UNC79: variants seen among roughly 807,000 people sequenced by gnomAD.
UNC79 encodes unc-79 subunit of NALCN channel complex.
A neutral mutation model predicts 283.1 loss-of-function variants in UNC79; 37 were observed. The ratio of observed to expected loss-of-function variants is 0.13; its 90% confidence interval spans 0.10 to 0.17. UNC79 has a LOEUF of 0.17. UNC79 is among the 10% of genes least tolerant of loss of function. The probability of loss-of-function intolerance (pLI) is 1.00; values close to 1 mark genes in which losing one functional copy is unlikely to be tolerated. For missense variants in UNC79, 2,272 were observed against 3,211.1 expected, an observed-to-expected ratio of 0.71 and a Z score of 7.07; for synonymous variants, 1,107 against 1,200.2, an observed-to-expected ratio of 0.92 and a Z score of 1.61.
intron 1 of UNC79, chr14:93,464,533 T>C (rs1395128280): frequency 2.2e-6 from 1 of 456,288 alleles, no homozygotes; most frequent in Non-Finnish European, 4.4e-6. Context: ...CAGTCACATT[T>C]TGAGGTTAAG....
At chr14:93,582,043 A>C (rs1180892710) in intron 19 of UNC79, among the ~76,000 whole-genome samples, 160 bp from the exon 20 acceptor site, 1 of 152,230 alleles carries the variant, frequency 6.6e-6, no homozygotes, top group Admixed American at 6.5e-5. Context: ...TCCAGCAATA[A>C]GCTCCAGGGT....
At chr14:93,466,300 AC>A (rs993490549) in intron 1 of UNC79, among the ~76,000 whole-genome samples, 100 of 152,376 alleles carry the variant, frequency 6.6e-4, no homozygotes, top group African/African-American at 2.4e-3. Flanking sequence ...TCAGTGATTA[AC>A]CTGGTAACTT....
At chr14:93,517,584 A>T (rs2060128224) in intron 7 of UNC79, among the ~76,000 whole-genome samples, 1 of 151,380 alleles carries the variant, frequency 6.6e-6, no homozygotes, top group African/African-American at 2.4e-5. Context: ...TATTGAGATG[A>T]TTATATGATT....
chr14:93,679,152 C>T (rs1419288683), intron 41 of UNC79, among the ~76,000 whole-genome samples: 1 of 152,150 alleles, frequency 6.6e-6, no homozygotes, highest in Non-Finnish European at 1.5e-5. Flanking sequence ...TTCCTTAGCT[C>T]CTATTATGTG....
At chr14:93,641,491 A>G (rs997109292) in intron 33 of UNC79, among the ~76,000 whole-genome samples, 2 of 152,058 alleles carry the variant, frequency 1.3e-5, no homozygotes, top group Non-Finnish European at 2.9e-5. Context: ...TGTTTCTACT[A>G]AAATTACTAA....
At chr14:93,371,493 A>G (rs2054445210) in intron 1 of UNC79, among the ~76,000 whole-genome samples, 1 of 152,172 alleles carries the variant, frequency 6.6e-6, no homozygotes, top group African/African-American at 2.4e-5. Context: ...CGCAGAAAAA[A>G]ATTCCTGAAG....
intron 1 of UNC79, among the ~76,000 whole-genome samples, chr14:93,364,350 T>C (rs896510039): frequency 5.3e-5 from 8 of 152,036 alleles, no homozygotes; most frequent in Non-Finnish European, 1.0e-4. Flanking sequence ...TGCTATAGAG[T>C]GTACTATTAC....
intron 12 of UNC79, 150 bp from the exon 13 acceptor site, chr14:93,540,510 C>T (rs528969176): frequency 2.6e-5 from 20 of 759,906 alleles, no homozygotes; most frequent in Middle Eastern, 3.9e-4. Flanking sequence ...TCAGGATGCA[C>T]AGTACTCAGT....
At chr14:93,400,051 A>G (rs577956780) in intron 1 of UNC79, among the ~76,000 whole-genome samples, 16 of 152,188 alleles carry the variant, frequency 1.1e-4, no homozygotes, top group Non-Finnish European at 2.1e-4. Flanking sequence ...GACCCAACTC[A>G]GGTATCCCTA....
At chr14:93,392,681 C>A (rs991864746) in intron 1 of UNC79, among the ~76,000 whole-genome samples, 1 of 152,172 alleles carries the variant, frequency 6.6e-6, no homozygotes, top group Admixed American at 6.5e-5. Context: ...TCACATATCC[C>A]TTCAGTTCCT....
At chr14:93,501,545 G>T (rs1018393297) in intron 7 of UNC79, among the ~76,000 whole-genome samples, 1 of 151,928 alleles carries the variant, frequency 6.6e-6, no homozygotes, top group Admixed American at 6.6e-5. Context: ...AAAATTAGCT[G>T]GGTGTGATGG....
At chr14:93,552,879 G>A (rs761227627) in intron 14 of UNC79, among the ~76,000 whole-genome samples, 5 of 152,180 alleles carry the variant, frequency 3.3e-5, no homozygotes, top group African/African-American at 4.8e-5. Flanking sequence ...CTGTTAGAAA[G>A]TGACAGTCTT....
chr14:93,534,362 A>G (rs945090243), intron 11 of UNC79, among the ~76,000 whole-genome samples: 1 of 152,174 alleles, frequency 6.6e-6, no homozygotes, highest in African/African-American at 2.4e-5. Context: ...TTAGGGTCCC[A>G]TATATCTCTT....
In UNC79 at chr14:93,423,062, C is replaced by CAA. The variant is rs71129634; in HGVS notation, c.-350-44581_-350-44580dup. On this transcript the variant is annotated intron_variant, in intron 1 of 49. Transcript: ENST00000256339. ...TGGGGGACAGAGCGAGACTCTGTCT[C>CAA]AAAAAAAAAAAAAAAAAAAAAAAAA... Among the ~76,000 whole-genome samples the CAA allele has an allele frequency of 6.9e-3, 533 of 77,220 alleles. 32 individuals are homozygous for CAA. Among genetic ancestry groups the CAA allele is most frequent in the African/African-American group, 0.025 (450 of 18,276 alleles). 50.7% of individuals were successfully genotyped at this position (77,220 alleles called of 152,430 possible). A position where few individuals can be genotyped will look rare whatever the true frequency, so the allele number is the denominator to read the frequency against.
chr14:93,586,643 G>T (rs748812028), exon 21 of UNC79: 2 of 1,613,738 alleles, frequency 1.2e-6, no homozygotes, highest in African/African-American at 2.7e-5. Flanking sequence ...ACAGCTTCCG[G>T]TAACATTGAG....
At chr14:93,483,221 C>T (rs892783012) in intron 4 of UNC79, among the ~76,000 whole-genome samples, 3 of 152,192 alleles carry the variant, frequency 2.0e-5, no homozygotes, top group Admixed American at 2.0e-4. Flanking sequence ...CCTTGCACTG[C>T]TTCCATTTTG....
intron 1 of UNC79, among the ~76,000 whole-genome samples, chr14:93,344,743 G>T (rs2139889733): frequency 6.6e-6 from 1 of 152,268 alleles, no homozygotes; most frequent in Admixed American, 6.5e-5. Flanking sequence ...TTATTATCTG[G>T]GGATATCTAA....
chr14:93,423,360 A>G (rs1392735116), intron 1 of UNC79, among the ~76,000 whole-genome samples: 3 of 152,172 alleles, frequency 2.0e-5, no homozygotes, highest in African/African-American at 7.2e-5. Flanking sequence ...AGAAAAAAGC[A>G]ATTATAAAAT....
chr14:93,617,113 C>T lies in UNC79; in HGVS notation c.4042-9C>T. On this transcript the variant is annotated splice_polypyrimidine_tract_variant and intron_variant, in intron 27 of 48. Transcript: ENST00000555664. The surrounding 1 kb of genome is among the most constrained non-coding windows in gnomAD (Gnocchi z 4.5). ...TTTCCATCAGTTATTAATATTTTTT[C>T]TATTTCAGGTTATGGACTATAACAT... The T allele has an allele frequency of 6.3e-7, 1 of 1,588,812 alleles. No individual in the cohort carries two copies. Among genetic ancestry groups the T allele is most frequent in the South Asian group, 1.2e-5 (1 of 86,868 alleles).
Sources: gnomAD v4.1 joint callset for allele counts (sites outside exome capture counted in the v4.1 genomes callset) on GRCh38, gnomAD v4.1.1 for gene constraint, Gnocchi (gnomAD v3.1) non-coding constraint, MANE v1.5 for transcripts, NCBI Gene and HGNC (gene_info 2026-07-23, HGNC 2026-07-21) for gene names.